KCNJ3: variants seen among roughly 807,000 people sequenced by gnomAD.
KCNJ3 encodes the protein G protein-activated inward rectifier potassium channel 1.
KCNJ3 carries 4 observed loss-of-function variants against 39.2 expected under a neutral mutation model. That is an observed-to-expected ratio of 0.10 (90% CI 0.05 to 0.23). The LOEUF (loss-of-function observed/expected upper bound fraction) is 0.23, where lower values mean the gene tolerates loss of function less well. Among genes scored for constraint, KCNJ3 ranks in the 10% least tolerant of loss-of-function variants. The pLI, the probability that KCNJ3 is intolerant of heterozygous loss-of-function variation, is 1.00. For missense variants in KCNJ3, 276 were observed against 634.9 expected (o/e 0.43, Z 6.08); for synonymous variants, 230 against 237.4 (o/e 0.97, Z 0.29).
At chr2:154,804,107 C>T (rs987170667) in intron 2 of KCNJ3, among the ~76,000 whole-genome samples, 1 of 151,778 alleles carries the variant, frequency 6.6e-6, no homozygotes, top group African/African-American at 2.4e-5. Flanking sequence ...AAAGACATAG[C>T]TAATAAAATG....
At chr2:154,752,940 T>C (rs894987051) in intron 2 of KCNJ3, among the ~76,000 whole-genome samples, 1 of 152,032 alleles carries the variant, frequency 6.6e-6, no homozygotes, top group African/African-American at 2.4e-5. Flanking sequence ...ACATTAAAAA[T>C]ATATAACCAA....
chr2:154,846,226 T>C (rs1158709561), intron 2 of KCNJ3, among the ~76,000 whole-genome samples: 1 of 152,006 alleles, frequency 6.6e-6, no homozygotes, highest in African/African-American at 2.4e-5. Flanking sequence ...TCCAGATAAA[T>C]ATAGACAACA....
rs985535 is a variant in KCNJ3 at position 154,776,423 on chromosome 2, A to G, written c.919+66604A>G. On this transcript the variant is annotated intron_variant, in intron 2 of 2. Transcript: ENST00000295101. ...GGAACTTGAACAAAAGCATTTGTTCATTATTGGCCATCACAAAATCACGTA... is the reference window on the plus strand; with the variant it reads ...GGAACTTGAACAAAAGCATTTGTTCGTTATTGGCCATCACAAAATCACGTA... Among the ~76,000 whole-genome samples, 1,608 of 152,236 alleles carry G rather than the reference A, an allele frequency of 0.011. 56 individuals are homozygous for G. The East Asian group carries it at 0.14, about 13-fold the overall frequency.
chr2:154,792,385 G>A (rs1016799048), intron 2 of KCNJ3, among the ~76,000 whole-genome samples: 8 of 152,148 alleles, frequency 5.3e-5, no homozygotes, highest in Admixed American at 3.3e-4. Flanking sequence ...TTGCCCTGTG[G>A]GATTTAGGGC....
chr2:154,704,332 A>G (rs1251324336), intron 1 of KCNJ3, among the ~76,000 whole-genome samples: 1 of 152,084 alleles, frequency 6.6e-6, no homozygotes, highest in Non-Finnish European at 1.5e-5. Flanking sequence ...GTATTTGGCG[A>G]GTAGGAGGAA....
At chr2:154,828,962 A>G (rs1382356614) in intron 2 of KCNJ3, among the ~76,000 whole-genome samples, 1 of 152,190 alleles carries the variant, frequency 6.6e-6, no homozygotes, top group East Asian at 1.9e-4. Flanking sequence ...TATAATGTTT[A>G]CATCTGAAGT....
At chr2:154,846,534 AGATAATCATAACAT>A (rs1157743983) in intron 2 of KCNJ3, among the ~76,000 whole-genome samples, 3 of 152,182 alleles carry the variant, frequency 2.0e-5, no homozygotes, top group African/African-American at 7.2e-5. Context: ...GTCAAGGTTC[AGATAATCATAACAT>A]GCCCAACATC....
At chr2:154,805,011 T>C (rs560848619) in intron 2 of KCNJ3, among the ~76,000 whole-genome samples, 3 of 151,970 alleles carry the variant, frequency 2.0e-5, no homozygotes, top group African/African-American at 7.3e-5. Flanking sequence ...TCTTAGAATA[T>C]AAGGATAAGA....
At chr2:154,739,561 A>G (rs915936738) in intron 2 of KCNJ3, among the ~76,000 whole-genome samples, 2 of 151,950 alleles carry the variant, frequency 1.3e-5, no homozygotes, top group African/African-American at 4.8e-5. Context: ...TGTAGCTATA[A>G]TTTCCTACTC....
At chr2:154,833,849 G>GT (rs1341816295) in intron 2 of KCNJ3, among the ~76,000 whole-genome samples, 5 of 151,756 alleles carry the variant, frequency 3.3e-5, no homozygotes, top group Admixed American at 6.6e-5. Context: ...GTTCCTTCAT[G>GT]TTTTTTTGTG....
At chr2:154,817,856 A>G (rs1687108446) in intron 2 of KCNJ3, among the ~76,000 whole-genome samples, 1 of 152,188 alleles carries the variant, frequency 6.6e-6, no homozygotes, top group South Asian at 2.1e-4. Flanking sequence ...CCTTGTATAA[A>G]ACCCACATCC....
At chr2:154,727,844 C>T (rs987746948) in intron 2 of KCNJ3, among the ~76,000 whole-genome samples, 4 of 151,010 alleles carry the variant, frequency 2.6e-5, no homozygotes, top group African/African-American at 9.7e-5. Flanking sequence ...ACAGTTCTGC[C>T]CTTTTCTGGC....
At position 154,699,972 on chromosome 2, in the gene KCNJ3, A is replaced by G. The variant is rs1032496724; in HGVS notation, c.702+495A>G. Among the ~76,000 whole-genome samples, 1 of 151,966 alleles carries G rather than the reference A, an allele frequency of 6.6e-6. No homozygotes were observed. Among genetic ancestry groups the G allele is most frequent in the African/African-American group, 2.4e-5 (1 of 41,358 alleles). ...TTTTTCTTTCCTTTTTTTCCCCCTA[A>G]TAATATTAGGAGGCGGATTACTCCT... On this transcript the variant is annotated intron_variant, in intron 1 of 2. Transcript: ENST00000295101. This position sits in a 1 kb window ranked among gnomAD's most constrained non-coding sequence, Gnocchi z 6.4.
chr2:154,797,954 T>G (rs2961976), intron 2 of KCNJ3, among the ~76,000 whole-genome samples: 31,615 of 152,036 alleles, frequency 0.21, 3,699 homozygotes, highest in East Asian at 0.48. Context: ...TATTCATTTT[T>G]CATAATTGAA....
rs1203873789 is a variant in KCNJ3, at chr2:154,856,451, C to CT, written c.*1140dup. On this transcript the variant is annotated 3_prime_UTR_variant, in exon 3 of 3. Transcript: ENST00000295101. ...ATGAAACAGATGATAAATATTTATG[C>CT]TTAAAATATGTATGTCTAATTGAGT... 2 of 152,350 alleles carry CT rather than the reference C, an allele frequency of 1.3e-5. No individual in the cohort carries two copies. The highest frequency in any genetic ancestry group is 2.4e-5 in the African/African-American group (1 of 41,410). The allele number at this position is 152,350 out of a possible 1,614,324, so 9.4% of individuals were successfully genotyped here.
chr2:154,764,835 C>T (rs1003716206), intron 2 of KCNJ3, among the ~76,000 whole-genome samples: 1 of 152,156 alleles, frequency 6.6e-6, no homozygotes, highest in Non-Finnish European at 1.5e-5. Context: ...TTGTTATCCT[C>T]CATCAACACT....
chr2:154,804,294 A>C (rs1686873430), intron 2 of KCNJ3, among the ~76,000 whole-genome samples: 1 of 152,148 alleles, frequency 6.6e-6, no homozygotes, highest in Non-Finnish European at 1.5e-5. Context: ...TAAGAAAATA[A>C]TGATAAAAGT....
chr2:154,722,924 T>A (rs1195676629), intron 2 of KCNJ3, among the ~76,000 whole-genome samples: 1 of 152,174 alleles, frequency 6.6e-6, no homozygotes, highest in African/African-American at 2.4e-5. Context: ...TAAAGTTTCA[T>A]GCTTGAAGAT....
intron 2 of KCNJ3, among the ~76,000 whole-genome samples, chr2:154,816,819 A>C (rs1021298961): frequency 6.6e-6 from 1 of 152,150 alleles, no homozygotes. Context: ...CACATTCTAA[A>C]ATATGGATGT....
Sources: allele counts gnomAD v4.1 joint callset (sites outside exome capture counted in the v4.1 genomes callset), GRCh38; gene constraint gnomAD v4.1.1; non-coding constraint Gnocchi (gnomAD v3.1); transcripts MANE v1.5; gene names NCBI Gene and HGNC (gene_info 2026-07-23, HGNC 2026-07-21).